KATNAL2: variants seen among roughly 807,000 people sequenced by gnomAD.
The protein encoded by KATNAL2 is katanin p60 ATPase-containing subunit A-like 2.
A neutral mutation model predicts 76.3 loss-of-function variants in KATNAL2; 52 were observed. The ratio of observed to expected loss-of-function variants is 0.68; its 90% CI spans 0.55 to 0.86. The LOEUF is 0.86. KATNAL2 is among the 40% of genes least tolerant of loss of function. KATNAL2 has a pLI of 0.00. For synonymous variants in KATNAL2, 243 were observed against 244.2 expected (o/e 1.00, Z 0.05); for missense variants, 660 against 668.9 (o/e 0.99, Z 0.15).
intron 3 of KATNAL2, among the ~76,000 whole-genome samples, chr18:46,951,455 G>T (rs1944954240): frequency 6.8e-6 from 1 of 146,190 alleles, no homozygotes; most frequent in African/African-American, 2.5e-5. Context: ...CTGGATCTCT[G>T]AGATTCTCCT....
chr18:47,033,812 A>G (rs1374423287), intron 3 of KATNAL2: 13 of 1,614,038 alleles, frequency 8.1e-6, no homozygotes, highest in Admixed American at 1.7e-5. Flanking sequence ...TTTGCCTGGG[A>G]GGTCATGGAG....
At chr18:47,073,811 T>A (rs559596579) in intron 13 of KATNAL2, among the ~76,000 whole-genome samples, 1 of 152,334 alleles carries the variant, frequency 6.6e-6, no homozygotes, top group South Asian at 2.1e-4. Flanking sequence ...AATTTTAGAC[T>A]AATGCTTCCA....
chr18:47,056,775 C>A (rs1207061351), intron 6 of KATNAL2, among the ~76,000 whole-genome samples: 1 of 152,076 alleles, frequency 6.6e-6, no homozygotes, highest in Non-Finnish European at 1.5e-5. Context: ...CTGCCAGCTC[C>A]ACAAGGATGG....
intron 1 of KATNAL2, chr18:46,920,128 A>G (rs1457854330): frequency 7.8e-7 from 1 of 1,284,552 alleles, no homozygotes; most frequent in African/African-American, 1.5e-5. Context: ...CAGCTCCTGG[A>G]TGGGTTGGGT....
rs543758849 is a variant in KATNAL2, at chr18:47,096,597, A to G, written c.1212-2646A>G. ...CTCAGCTTCCCCAAGGGCTGGGATT[A>G]CAGGCGTGAGCCACCGCACTCAGCT... On this transcript the variant is annotated intron_variant, in intron 15 of 17. Transcript: ENST00000683218. Among the ~76,000 whole-genome samples, 23 of 152,268 alleles carry G rather than the reference A, an allele frequency of 1.5e-4. 1 individual carries two copies. The highest frequency in any genetic ancestry group is 1.2e-3 in the Admixed American group (19 of 15,302).
At chr18:46,940,892 G>T (rs2059226899) in intron 1 of KATNAL2, among the ~76,000 whole-genome samples, 2 of 152,192 alleles carry the variant, frequency 1.3e-5, no homozygotes, top group South Asian at 4.2e-4. Context: ...GTGTATGGTG[G>T]CATACTCCTA....
intron 3 of KATNAL2, among the ~76,000 whole-genome samples, chr18:46,951,031 C>A (rs1201970013): frequency 1.3e-5 from 2 of 152,120 alleles, no homozygotes; most frequent in African/African-American, 4.8e-5. Context: ...TTATAGTCGA[C>A]TCACTTTTAT....
At chr18:47,082,231 T>C (rs1313634131) in intron 15 of KATNAL2, among the ~76,000 whole-genome samples, 4 of 152,202 alleles carry the variant, frequency 2.6e-5, no homozygotes, top group Non-Finnish European at 5.9e-5. Context: ...TCAGGCCAGA[T>C]AATTCTTTGT....
chr18:46,932,152 C>A (rs1476348193), intron 1 of KATNAL2, among the ~76,000 whole-genome samples: 2 of 152,056 alleles, frequency 1.3e-5, no homozygotes, highest in South Asian at 2.1e-4. Flanking sequence ...ACCTCGTGAT[C>A]CGCCCGCCTT....
chr18:46,960,153 G>A (rs1052623964), intron 3 of KATNAL2, among the ~76,000 whole-genome samples: 2 of 152,158 alleles, frequency 1.3e-5, no homozygotes, highest in African/African-American at 4.8e-5. Flanking sequence ...CCCCAAAAAA[G>A]CGGCTGGGCA....
intron 6 of KATNAL2, among the ~76,000 whole-genome samples, 175 bp from the exon 7 acceptor site, chr18:47,058,060 T>G (rs1268275644): frequency 1.3e-5 from 2 of 152,078 alleles, no homozygotes; most frequent in African/African-American, 4.8e-5. Flanking sequence ...CTGGAGGGTG[T>G]TAGGGCCAGG....
chr18:47,031,545 C>T (rs1199910379), intron 3 of KATNAL2, among the ~76,000 whole-genome samples: 2 of 152,058 alleles, frequency 1.3e-5, no homozygotes, highest in East Asian at 1.9e-4. Flanking sequence ...TACCCTTCCA[C>T]AGTTTGTAGA....
intron 8 of KATNAL2, 26 bp from the exon 9 acceptor site, chr18:47,062,946 C>T: frequency 1.3e-6 from 2 of 1,555,900 alleles, no homozygotes; most frequent in Non-Finnish European, 1.8e-6. Context: ...GTTCTCATGG[C>T]ATAAATAACC....
At chr18:46,921,581 A>G (rs2058547316) in intron 1 of KATNAL2, among the ~76,000 whole-genome samples, 1 of 152,108 alleles carries the variant, frequency 6.6e-6, no homozygotes, top group Non-Finnish European at 1.5e-5. Context: ...ACCTGATCTG[A>G]TAGATCAGGT....
intron 3 of KATNAL2, among the ~76,000 whole-genome samples, chr18:47,040,151 C>A (rs1396648776): frequency 1.3e-5 from 2 of 152,162 alleles, no homozygotes; most frequent in African/African-American, 2.4e-5. Flanking sequence ...GGGTGACTAA[C>A]CTTTTGAAGG....
intron 3 of KATNAL2, among the ~76,000 whole-genome samples, chr18:46,949,058 G>A (rs114244037): frequency 0.025 from 3,841 of 151,838 alleles, 146 homozygotes; most frequent in African/African-American, 0.089. Flanking sequence ...CACCATGCCC[G>A]GCTAATTTTT....
Position 47,075,296 on chromosome 18 carries a change from G to A in KATNAL2, c.1028G>A (p.Arg343His), listed in dbSNP as rs144598726. 1.6e-4 allele frequency: 251 copies of A among 1,555,936 alleles called. No individual in the cohort carries two copies. In the African/African-American group the frequency reaches 2.7e-3, roughly 17 times the overall value. ...KLVRVLFELA[R>H]YHAPSTIFLD... ...ACCCAGGTGTTATTTGAGCTTGCCC[G>A]CTACCACGCCCCATCCACGATCTTC... The change falls in exon 14 of 18, where the codon CGC becomes CAC. Residue 343 changes from arginine to histidine, a missense_variant. Arg to His is a conservative substitution (Grantham distance 29). Transcript: ENST00000683218.
chr18:47,100,230 T>C (rs770741606), intron 16 of KATNAL2, 24 bp from the exon 17 acceptor site: 1 of 1,574,130 alleles, frequency 6.4e-7, no homozygotes, highest in South Asian at 1.1e-5. Context: ...CACTGACCAA[T>C]GGCTGGTTTT....
At chr18:47,044,862 T>A (rs1035010131) in intron 3 of KATNAL2, among the ~76,000 whole-genome samples, 1 of 152,144 alleles carries the variant, frequency 6.6e-6, no homozygotes, top group African/African-American at 2.4e-5. Flanking sequence ...AGTAAGAAGA[T>A]TGCTTGAGGC....
Sources: allele counts gnomAD v4.1 joint callset (sites outside exome capture counted in the v4.1 genomes callset), GRCh38; gene constraint gnomAD v4.1.1; transcripts MANE v1.5; gene names NCBI Gene and HGNC (gene_info 2026-07-23, HGNC 2026-07-21).